The following TNIP2 variants were observed in gnomAD, a reference collection of about 807,000 sequenced individuals.
TNIP2 encodes the protein TNFAIP3 interacting protein 2, also known as TNFAIP3-interacting protein 2.
Under a neutral mutation model 43.7 loss-of-function variants are expected in TNIP2, and 30 were observed. The ratio of observed to expected loss-of-function variants is 0.69; its 90% CI spans 0.51 to 0.93. TNIP2 has a LOEUF of 0.93. Among genes scored for constraint, TNIP2 ranks in the 40% least tolerant of loss-of-function variants. The pLI is 0.00. For missense variants in TNIP2, 599 were observed against 591.0 expected, an observed-to-expected ratio of 1.01 and a Z score of -0.14; for synonymous variants, 260 against 254.6, an observed-to-expected ratio of 1.02 and a Z score of -0.20.
intron 1 of TNIP2, 32 bp from the exon 2 acceptor site, chr4:2,747,977 G>A (rs1721998817): frequency 6.3e-7 from 1 of 1,597,016 alleles, no homozygotes; most frequent in Non-Finnish European, 8.5e-7. Context: ...ACAGTTTACT[G>A]AATTAAAAGA....
At chr4:2,749,227 C>T (rs1722041841) in intron 1 of TNIP2, among the ~76,000 whole-genome samples, 2 of 152,124 alleles carry the variant, frequency 1.3e-5, no homozygotes, top group African/African-American at 4.8e-5. Flanking sequence ...CCACCTCAGC[C>T]TCCTGAATAG....
At chr4:2,748,721 T>C (rs1340131488) in intron 1 of TNIP2, among the ~76,000 whole-genome samples, 2 of 134,242 alleles carry the variant, frequency 1.5e-5, no homozygotes, top group Non-Finnish European at 3.2e-5. Context: ...CTCGAATTCC[T>C]GACCTTAGAT....
intron 1 of TNIP2, among the ~76,000 whole-genome samples, chr4:2,753,197 G>A (rs1314456448): frequency 6.6e-6 from 1 of 152,210 alleles, no homozygotes; most frequent in Non-Finnish European, 1.5e-5. Context: ...CTAGCACTTT[G>A]GGAGGCCAAG....
chr4:2,752,867 G>A (rs1000205122), intron 1 of TNIP2, among the ~76,000 whole-genome samples: 4 of 152,060 alleles, frequency 2.6e-5, no homozygotes, highest in Admixed American at 6.6e-5. Context: ...AACATCATGC[G>A]ACCCCTTCTC....
At position 2,742,216 on chromosome 4, in the gene TNIP2, G is replaced by A. The variant is rs1435924773; in HGVS notation, c.*41C>T. On this transcript the variant is annotated 3_prime_UTR_variant, in exon 6 of 6. Transcript: ENST00000315423. ...ACCCACCCTGTCCCTGAGGGCAGCT[G>A]CACCGGGCCAGGAGGCCGCAAGGGC... 3.0e-5 allele frequency: 43 copies of A among 1,423,366 alleles called. No individual in the cohort carries two copies. The highest frequency in any genetic ancestry group is 4.0e-5 in the Non-Finnish European group (43 of 1,082,372). 88.2% of individuals were successfully genotyped at this position (1,423,366 alleles called of 1,614,324 possible).
intron 1 of TNIP2, 95 bp from the exon 2 acceptor site, chr4:2,748,040 C>A: frequency 7.5e-7 from 1 of 1,326,084 alleles, no homozygotes; most frequent in Non-Finnish European, 1.0e-6. Context: ...GGCGTGGATG[C>A]CCCATCACCA....
chr4:2,745,436 A>T lies in TNIP2; in HGVS notation c.657+10T>A, dbSNP rs1190539019. ...GTGTTCTTCTCAAACGAAATGTGAA[A>T]GACACTCACGTGAGTCACCTTCTGT... On this transcript the variant is annotated intron_variant, in intron 3 of 5. Coordinates refer to ENST00000315423, the MANE Select transcript of TNIP2 (RefSeq NM_024309.4). 1.3e-6 allele frequency: 2 copies of T among 1,597,554 alleles called. No individual in the cohort carries two copies. Among genetic ancestry groups the T allele is most frequent in the East Asian group, 4.5e-5 (2 of 44,804 alleles).
chr4:2,744,423 C>T lies in TNIP2; in HGVS notation c.990G>A (p.Lys330=), dbSNP rs1442174860. 1.2e-6 allele frequency: 2 copies of T among 1,614,134 alleles called. No individual in the cohort carries two copies. The highest frequency in any genetic ancestry group is 1.7e-6 in the Non-Finnish European group (2 of 1,180,048). The change falls in exon 5 of 6, where the codon AAG becomes AAA. Residue 330 remains lysine, a synonymous_variant. Coordinates refer to ENST00000315423, the MANE Select transcript of TNIP2 (RefSeq NM_024309.4). The surrounding 1 kb of genome is among the most constrained non-coding windows in gnomAD (Gnocchi z 5.1). Reference sequence around the variant, plus strand: ...ACACCTGGTGCAGCAAAGAGGCGACCTTTTCCTCCAGTTCTTGAATCCTAC... The same window carrying T: ...ACACCTGGTGCAGCAAAGAGGCGACTTTTTCCTCCAGTTCTTGAATCCTAC... ...AQSRIQELEE[K]VASLLHQVSW... is the part of the protein sequence containing the mutation.
intron 1 of TNIP2, among the ~76,000 whole-genome samples, chr4:2,748,279 G>A (rs1182996353): frequency 4.6e-5 from 7 of 151,872 alleles, no homozygotes; most frequent in Admixed American, 3.3e-4. Flanking sequence ...AGGTTCAAGC[G>A]ATTCTCCCAC....
chr4:2,753,338 G>T (rs899836058), intron 1 of TNIP2, among the ~76,000 whole-genome samples: 1 of 152,190 alleles, frequency 6.6e-6, no homozygotes, highest in African/African-American at 2.4e-5. Flanking sequence ...TATATGGGAG[G>T]CTGAGGCAGG....
At chr4:2,754,310 CA>C (rs986683574) in intron 1 of TNIP2, among the ~76,000 whole-genome samples, 1 of 152,182 alleles carries the variant, frequency 6.6e-6, no homozygotes, top group Non-Finnish European at 1.5e-5. Context: ...TACTATTGCA[CA>C]AAAAAACTGT....
chr4:2,751,118 G>A (rs1017316054), intron 1 of TNIP2, among the ~76,000 whole-genome samples: 1 of 152,226 alleles, frequency 6.6e-6, no homozygotes, highest in Non-Finnish European at 1.5e-5. Context: ...CAGCCCCCGG[G>A]CTTCTGGCAT....
intron 1 of TNIP2, among the ~76,000 whole-genome samples, chr4:2,754,758 C>T (rs1175940540): frequency 6.6e-6 from 1 of 152,234 alleles, no homozygotes; most frequent in African/African-American, 2.4e-5. Flanking sequence ...CAAGGTCTCA[C>T]TTTGTCACCC....
In TNIP2 at chr4:2,742,105, G is replaced by A. The variant is rs771517828; in HGVS notation, c.*152C>T. ...TGACCCAGCCTGTTCCATAGCCAAA[G>A]GGACCAAAGTGAACGATCAGAGTGC... On this transcript the variant is annotated 3_prime_UTR_variant, in exon 6 of 6. Coordinates refer to ENST00000315423, the MANE Select transcript of TNIP2 (RefSeq NM_024309.4). 6.0e-5 allele frequency: 45 copies of A among 745,366 alleles called. No homozygotes were observed. The highest frequency in any genetic ancestry group is 7.4e-5 in the Non-Finnish European group (39 of 526,282). The allele number at this position is 745,366 out of a possible 1,614,324, so 46.2% of individuals were successfully genotyped here.
chr4:2,747,789 G>C lies in TNIP2; in HGVS notation c.433C>G (p.Arg145Gly). 6.2e-7 allele frequency: 1 copy of C among 1,612,398 alleles called. No homozygotes were observed. Among genetic ancestry groups the C allele is most frequent in the Non-Finnish European group, 8.5e-7 (1 of 1,180,040 alleles). ...TGATGGGTCTCGTTGGCCAAGGAGC[G>C]GCACAGGACGTCACTGGCGGCCCGG... ...RARAASDVLC[R>G]SLANETHQLR... The change falls in exon 2 of 6, where the codon CGC becomes GGC. Residue 145 changes from arginine (R) to glycine (G), a missense_variant. Coordinates refer to ENST00000315423, the MANE Select transcript of TNIP2 (RefSeq NM_024309.4).
Position 2,744,808 on chromosome 4 carries a change from G to A in TNIP2, c.795C>T (p.Asn265=), listed in dbSNP as rs371474946. The A allele has an allele frequency of 5.0e-6, 8 of 1,613,456 alleles. No homozygotes were observed. In the African/African-American group the frequency reaches 1.1e-4, roughly 22 times the overall value. The part of the protein sequence containing the change: ...ELMRKEISRL[N]RQLEEKINDC... ...CATTTATTTTCTCTTCCAACTGTCT[G>A]TTGAGCCGGGAGATCTCCTTCCTCA... The change falls in exon 4 of 6, where the codon AAC becomes AAT. Residue 265 remains asparagine (N), a synonymous_variant. Coordinates refer to ENST00000315423, the MANE Select transcript of TNIP2 (RefSeq NM_024309.4). This position sits in a 1 kb window ranked among gnomAD's most constrained non-coding sequence, Gnocchi z 5.1.
intron 5 of TNIP2, among the ~76,000 whole-genome samples, chr4:2,742,752 C>T (rs1478622474): frequency 6.6e-6 from 1 of 152,178 alleles, no homozygotes; most frequent in Non-Finnish European, 1.5e-5. Flanking sequence ...GCGTGGTCCA[C>T]CCCCCAGCCC....
intron 3 of TNIP2, 112 bp from the exon 4 acceptor site, chr4:2,745,057 C>T (rs1265774709): frequency 2.2e-6 from 3 of 1,381,832 alleles, no homozygotes. Context: ...AGAGTTTCCT[C>T]TTAAATGGAA....
chr4:2,744,391 C>G lies in TNIP2; in HGVS notation c.1022G>C (p.Arg341Thr), dbSNP rs1022106960. 1.9e-6 allele frequency: 3 copies of G among 1,614,124 alleles called. No homozygotes were observed. The African/African-American group carries it at 4.0e-5, about 22-fold the overall frequency. ...VASLLHQVSW[R>T]QDSREPDAGR... ...AAAAACGCCCTCATACTCTACCTGT[C>G]TCCAGGACACCTGGTGCAGCAAAGA... is the stretch of plus-strand genomic sequence containing the variant. Residue 341 changes from arginine (R) to threonine (T), a missense_variant, in exon 5 of 6, where the codon AGA (arginine) becomes ACA (threonine). Physicochemically the swap from Arg to Thr is moderately conservative, Grantham distance 71. Coordinates refer to ENST00000315423, the MANE Select transcript of TNIP2 (RefSeq NM_024309.4). The surrounding 1 kb of genome is among the most constrained non-coding windows in gnomAD (Gnocchi z 5.1).
Sources: gnomAD v4.1 joint callset for allele counts (sites outside exome capture counted in the v4.1 genomes callset) on GRCh38, gnomAD v4.1.1 for gene constraint, Gnocchi (gnomAD v3.1) non-coding constraint, MANE v1.5 for transcripts, NCBI Gene and HGNC (gene_info 2026-07-23, HGNC 2026-07-21) for gene names.